TRPS1: variants seen among roughly 807,000 people sequenced by gnomAD.
TRPS1 encodes the protein transcriptional repressor GATA binding 1, also known as zinc finger transcription factor Trps1.
Under a neutral mutation model 101.2 loss-of-function variants are expected in TRPS1, and 6 were observed. That is an observed-to-expected ratio of 0.06 (90% CI 0.03 to 0.12). The LOEUF is 0.12. Ranked by LOEUF, TRPS1 falls within the 10% of genes least tolerant of loss-of-function variation. The pLI is 1.00. For synonymous variants in TRPS1, 578 were observed against 589.8 expected, an observed-to-expected ratio of 0.98 and a Z score of 0.29; for missense variants, 1,363 against 1,567.0, an observed-to-expected ratio of 0.87 and a Z score of 2.20.
At chr8:115,652,295 A>C (rs1041527380) in intron 1 of TRPS1, among the ~76,000 whole-genome samples, 1 of 152,220 alleles carries the variant, frequency 6.6e-6, no homozygotes, top group African/African-American at 2.4e-5. Flanking sequence ...GCGCCTTGGC[A>C]GATATCGCTT....
intron 5 of TRPS1, among the ~76,000 whole-genome samples, chr8:115,452,873 G>C (rs1019856809): frequency 6.6e-6 from 1 of 152,032 alleles, no homozygotes. Context: ...ATAAAATGTC[G>C]CATCACCATT....
chr8:115,543,637 T>A (rs1283371145), intron 5 of TRPS1, among the ~76,000 whole-genome samples: 1 of 151,998 alleles, frequency 6.6e-6, no homozygotes, highest in East Asian at 1.9e-4. Context: ...TCATACAAGA[T>A]TAACTTTAGC....
intron 5 of TRPS1, among the ~76,000 whole-genome samples, chr8:115,491,377 A>C (rs1384975301): frequency 6.6e-6 from 1 of 152,192 alleles, no homozygotes; most frequent in East Asian, 1.9e-4. Flanking sequence ...TTAGCGCATT[A>C]GATCATTACC....
intron 5 of TRPS1, among the ~76,000 whole-genome samples, chr8:115,492,497 TC>T (rs1815052078): frequency 9.3e-5 from 13 of 139,268 alleles, no homozygotes; most frequent in Non-Finnish European, 1.8e-4. Context: ...GTGTGCGTGT[TC>T]GTGTGTGTGT....
chr8:115,416,399 G>T (rs893561299), intron 6 of TRPS1, among the ~76,000 whole-genome samples: 4 of 151,178 alleles, frequency 2.6e-5, no homozygotes, highest in African/African-American at 9.7e-5. Flanking sequence ...GCTAAAGTCT[G>T]ATTTTTCTAA....
At chr8:115,538,484 A>AT (rs1038876139) in intron 5 of TRPS1, among the ~76,000 whole-genome samples, 2 of 152,066 alleles carry the variant, frequency 1.3e-5, no homozygotes, top group Non-Finnish European at 2.9e-5. Context: ...ATTTTTGGAC[A>AT]TTTTTTGCCT....
At chr8:115,450,197 T>A (rs1015564947) in intron 5 of TRPS1, among the ~76,000 whole-genome samples, 1 of 152,184 alleles carries the variant, frequency 6.6e-6, no homozygotes, top group Admixed American at 6.5e-5. Context: ...AAGTAAGTTA[T>A]TTCTGAAATT....
intron 5 of TRPS1, among the ~76,000 whole-genome samples, chr8:115,522,873 C>T (rs1815899865): frequency 6.6e-6 from 1 of 152,138 alleles, no homozygotes; most frequent in Non-Finnish European, 1.5e-5. Context: ...AGTTTCTATA[C>T]TTTGAGTTTT....
At chr8:115,663,066 A>C (rs537616166) in intron 1 of TRPS1, among the ~76,000 whole-genome samples, 239 of 152,234 alleles carry the variant, frequency 1.6e-3, no homozygotes, top group Non-Finnish European at 2.4e-3. Context: ...CACTTTCCCC[A>C]AAACCCAAAA....
chr8:115,664,198 T>C (rs1475414815), intron 1 of TRPS1, among the ~76,000 whole-genome samples: 1 of 152,086 alleles, frequency 6.6e-6, no homozygotes, highest in African/African-American at 2.4e-5. Context: ...TTTTAGCTTA[T>C]TTACTTTAAT....
At chr8:115,521,284 C>G (rs570106668) in intron 5 of TRPS1, among the ~76,000 whole-genome samples, 1 of 151,736 alleles carries the variant, frequency 6.6e-6, no homozygotes, top group South Asian at 2.1e-4. Context: ...TCTCTAACTA[C>G]GATTCTCTAT....
intron 1 of TRPS1, chr8:115,661,797 C>G (rs866800210): frequency 1.3e-5 from 2 of 151,158 alleles, no homozygotes; most frequent in Non-Finnish European, 3.0e-5. Context: ...TCCCACCAAC[C>G]CCTCCCCACC....
intron 5 of TRPS1, among the ~76,000 whole-genome samples, chr8:115,556,143 C>A (rs1816815146): frequency 6.6e-6 from 1 of 152,186 alleles, no homozygotes; most frequent in Non-Finnish European, 1.5e-5. Flanking sequence ...GATTACCATT[C>A]AAAAGGCTGA....
intron 1 of TRPS1, among the ~76,000 whole-genome samples, chr8:115,638,037 T>C (rs1221735195): frequency 6.6e-6 from 1 of 152,180 alleles, no homozygotes; most frequent in East Asian, 1.9e-4. Context: ...ACAGGGAGCT[T>C]TCCCAGAACT....
chr8:115,419,631 A>G (rs1329531401), intron 5 of TRPS1, among the ~76,000 whole-genome samples: 1 of 152,240 alleles, frequency 6.6e-6, no homozygotes, highest in Non-Finnish European at 1.5e-5. Context: ...TACAATGGTT[A>G]TAATTGTACT....
intron 5 of TRPS1, among the ~76,000 whole-genome samples, chr8:115,521,425 T>C (rs1815858412): frequency 6.6e-6 from 1 of 151,922 alleles, no homozygotes; most frequent in Admixed American, 6.6e-5. Context: ...CAGTGAGTTT[T>C]TGTGTTTGTT....
intron 1 of TRPS1, among the ~76,000 whole-genome samples, chr8:115,662,464 C>G (rs1217861748): frequency 1.3e-5 from 2 of 151,928 alleles, no homozygotes; most frequent in Non-Finnish European, 2.9e-5. Context: ...AGTTCTGAGC[C>G]ACCGAATGGG....
intron 4 of TRPS1, 106 bp from the exon 5 acceptor site, chr8:115,587,710 T>C: frequency 1.3e-6 from 2 of 1,573,464 alleles, no homozygotes; most frequent in Admixed American, 3.4e-5. Context: ...TGCAATATAG[T>C]AGGTAGAAAG....
chr8:115,655,452 T>C (rs1363993330), intron 1 of TRPS1, among the ~76,000 whole-genome samples: 3 of 152,114 alleles, frequency 2.0e-5, no homozygotes, highest in African/African-American at 7.2e-5. Context: ...TATGGTGAAA[T>C]CACAGAACTA....
Sources: gnomAD v4.1 joint callset for allele counts (sites outside exome capture counted in the v4.1 genomes callset) on GRCh38, gnomAD v4.1.1 for gene constraint, MANE v1.5 for transcripts, NCBI Gene and HGNC (gene_info 2026-07-23, HGNC 2026-07-21) for gene names.